Variants in IL22RA2 observed in about 807,000 individuals in gnomAD.
IL22RA2 encodes interleukin 22 receptor subunit alpha 2.
Under a neutral mutation model 30.7 loss-of-function variants are expected in IL22RA2, and 39 were observed. The ratio of observed to expected loss-of-function variants is 1.27; its 90% CI spans 0.98 to 1.66. The LOEUF (loss-of-function observed/expected upper bound fraction) is 1.66, where lower values mean the gene tolerates loss of function less well. Ranked by LOEUF, IL22RA2 falls within the 40% of genes most tolerant of loss-of-function variation. The pLI, the probability that IL22RA2 is intolerant of heterozygous loss-of-function variation, is 0.00. For missense variants in IL22RA2, 315 were observed against 312.7 expected (o/e 1.01, Z -0.05); for synonymous variants, 103 against 105.0 (o/e 0.98, Z 0.11).
intron 5 of IL22RA2, among the ~76,000 whole-genome samples, chr6:137,150,121 C>T (rs544869406): frequency 6.6e-6 from 1 of 152,166 alleles, no homozygotes; most frequent in Non-Finnish European, 1.5e-5. Context: ...TAGATAGACA[C>T]CATAAATCAG....
chr6:137,160,332 G>T (rs753517786), intron 2 of IL22RA2, among the ~76,000 whole-genome samples: 3 of 152,138 alleles, frequency 2.0e-5, no homozygotes, highest in Non-Finnish European at 4.4e-5. Context: ...CATTTAATTT[G>T]CCCAGCTCTT....
chr6:137,145,903 A>G (rs759518414), intron 6 of IL22RA2, 130 bp from the exon 7 acceptor site: 3 of 948,616 alleles, frequency 3.2e-6, no homozygotes, highest in Non-Finnish European at 4.8e-6. Flanking sequence ...TCCCAGACAC[A>G]TCCTTCTTTT....
intron 5 of IL22RA2, among the ~76,000 whole-genome samples, chr6:137,154,586 G>A (rs1202458570): frequency 6.6e-6 from 1 of 151,962 alleles, no homozygotes; most frequent in Admixed American, 6.6e-5. Context: ...CTGCACTCCA[G>A]CCTGGGTGAC....
At chr6:137,166,009 T>A (rs898023408) in intron 1 of IL22RA2, among the ~76,000 whole-genome samples, 3 of 152,152 alleles carry the variant, frequency 2.0e-5, no homozygotes, top group African/African-American at 7.2e-5. Flanking sequence ...GGGCGGAGCA[T>A]GGAAAGCCCC....
intron 1 of IL22RA2, among the ~76,000 whole-genome samples, chr6:137,171,110 C>T (rs1258439396): frequency 4.6e-5 from 7 of 152,194 alleles, no homozygotes; most frequent in Non-Finnish European, 5.9e-5. Context: ...ATAATGATGG[C>T]TGCTAAGCAG....
intron 4 of IL22RA2, among the ~76,000 whole-genome samples, chr6:137,155,982 T>A (rs1411718549): frequency 6.6e-6 from 1 of 152,226 alleles, no homozygotes; most frequent in Non-Finnish European, 1.5e-5. Context: ...GAGAAGTTGC[T>A]ACCACTTTTC....
chr6:137,168,922 A>G (rs1287389305), intron 1 of IL22RA2, among the ~76,000 whole-genome samples: 1 of 152,238 alleles, frequency 6.6e-6, no homozygotes, highest in Non-Finnish European at 1.5e-5. Context: ...TCAAAAATTC[A>G]AATTCCTCCT....
At position 137,146,747 on chromosome 6, in the gene IL22RA2, G is replaced by GT. The variant is rs200317578; in HGVS notation, c.642+974dup. ...GTGGCTCATGTTTGTAATGCCAGCA[G>GT]TTTGGGAGGCCAAGGCAGGCAGATC... On this transcript the variant is annotated intron_variant, in intron 6 of 6. Transcript: ENST00000296980. Among the ~76,000 whole-genome samples the GT allele has an allele frequency of 1.1e-3, 170 of 152,284 alleles. 7 individuals carry two copies. In the East Asian group the frequency reaches 0.03, roughly 26 times the overall value.
chr6:137,145,364 T>A lies in IL22RA2; in HGVS notation c.*260A>T, dbSNP rs1778156004. ...AGGGATGTTACATTCAGAAATAAAG[T>A]TCTGAATTTCATAGAACACTTTATT... On this transcript the variant is annotated 3_prime_UTR_variant, in exon 7 of 7. Transcript: ENST00000296980. 4 of 302,884 alleles carry A rather than the reference T, an allele frequency of 1.3e-5. No individual in the cohort carries two copies. Among genetic ancestry groups the A allele is most frequent in the South Asian group, 1.4e-4 (2 of 14,280 alleles). 18.8% of individuals were successfully genotyped at this position (302,884 alleles called of 1,614,324 possible). A position where few individuals can be genotyped will look rare whatever the true frequency, so the allele number is the denominator to read the frequency against.
intron 1 of IL22RA2, among the ~76,000 whole-genome samples, chr6:137,168,690 G>A (rs1211297019): frequency 6.6e-6 from 1 of 152,092 alleles, no homozygotes. Flanking sequence ...GTACACAACT[G>A]GAACATGCTA....
At chr6:137,149,890 T>C (rs1212057572) in intron 5 of IL22RA2, among the ~76,000 whole-genome samples, 1 of 152,162 alleles carries the variant, frequency 6.6e-6, no homozygotes, top group African/African-American at 2.4e-5. Context: ...GTCCCTTGCT[T>C]GAAATGCTCT....
At chr6:137,153,039 A>G (rs1443917388) in intron 5 of IL22RA2, among the ~76,000 whole-genome samples, 1 of 152,102 alleles carries the variant, frequency 6.6e-6, no homozygotes, top group African/African-American at 2.4e-5. Flanking sequence ...GATTTTCTTT[A>G]CTGCTGGATA....
intron 1 of IL22RA2, among the ~76,000 whole-genome samples, chr6:137,164,212 T>C (rs1322646537): frequency 4.6e-5 from 7 of 152,166 alleles, no homozygotes; most frequent in Non-Finnish European, 1.0e-4. Context: ...GAGAACTTTT[T>C]TGAGATAAAA....
chr6:137,161,744 C>T lies in IL22RA2; in HGVS notation c.6G>A (p.Met2Ile). The stretch of plus-strand genomic sequence containing the variant: ...GGAAGCCTAGAAAGCAATGTTTAGG[C>T]ATCATGGTTGCAAGTGTGACTGTTC... The part of the protein sequence containing the change: M[M>I]PKHCFLGFLI... The change falls in exon 2 of 7, where the codon ATG (methionine) becomes ATA (isoleucine). Residue 2 changes from methionine to isoleucine, a missense_variant. Physicochemically the swap from Met to Ile is conservative, Grantham distance 10 (BLOSUM62 1). Coordinates refer to ENST00000296980, the MANE Select transcript of IL22RA2 (RefSeq NM_052962.3). The T allele has an allele frequency of 6.2e-7, 1 of 1,613,442 alleles. No individual in the cohort carries two copies. Among genetic ancestry groups the T allele is most frequent in the South Asian group, 1.1e-5 (1 of 90,994 alleles).
chr6:137,167,749 C>A (rs1167406105), intron 1 of IL22RA2, among the ~76,000 whole-genome samples: 1 of 152,230 alleles, frequency 6.6e-6, no homozygotes, highest in East Asian at 1.9e-4. Flanking sequence ...GACCACTCAA[C>A]ATGGCTGATC....
At chr6:137,152,176 G>A in intron 5 of IL22RA2, among the ~76,000 whole-genome samples, 1 of 151,910 alleles carries the variant, frequency 6.6e-6, no homozygotes, top group Admixed American at 6.6e-5. Context: ...TTGTGCCACT[G>A]CGCTCCAGCC....
intron 1 of IL22RA2, among the ~76,000 whole-genome samples, chr6:137,162,879 C>A (rs1020286167): frequency 6.6e-6 from 1 of 152,062 alleles, no homozygotes; most frequent in African/African-American, 2.4e-5. Flanking sequence ...ACCCTGTAGA[C>A]CTGAAGAAGG....
chr6:137,161,957 T>C, intron 1 of IL22RA2, 143 bp from the exon 2 acceptor site: 1 of 495,612 alleles, frequency 2.0e-6, no homozygotes, highest in South Asian at 3.2e-5. Context: ...CAAAAAACAT[T>C]TGCTGTCACT....
At position 137,156,820 on chromosome 6, in the gene IL22RA2, T is replaced by A; in HGVS notation, c.232A>T (p.Lys78Ter). Residue 78 changes from lysine to a stop codon, truncating the protein, a stop_gained, in exon 4 of 7, where the codon AAG becomes TAG. Coordinates refer to ENST00000296980, the MANE Select transcript of IL22RA2 (RefSeq NM_052962.3). LOFTEE classifies it high-confidence loss of function. Reference sequence around the variant, plus strand: ...ATGTGCTGCCAGCATCCACTTGGCTTCTGGTGAGAGCTTTTCATGCTGCAT... The same window carrying A: ...ATGTGCTGCCAGCATCCACTTGGCTACTGGTGAGAGCTTTTCATGCTGCAT... ...FSCSMKSSHQ[K>*]PSGCWQHISC... 1.2e-6 allele frequency: 2 copies of A among 1,613,800 alleles called. No individual in the cohort carries two copies. Among genetic ancestry groups the A allele is most frequent in the Non-Finnish European group, 1.7e-6 (2 of 1,179,724 alleles).
Sources: gnomAD v4.1 joint callset for allele counts (sites outside exome capture counted in the v4.1 genomes callset) on GRCh38, gnomAD v4.1.1 for gene constraint, MANE v1.5 for transcripts, NCBI Gene and HGNC (gene_info 2026-07-23, HGNC 2026-07-21) for gene names.